MYSM1: variants seen among roughly 807,000 people sequenced by gnomAD.
The protein encoded by MYSM1 is deubiquitinase MYSM1.
In MYSM1, 51 loss-of-function variants were observed where a neutral mutation model predicts 116.0. The ratio of observed to expected loss-of-function variants is 0.44; its 90% CI spans 0.35 to 0.56. MYSM1 has a LOEUF of 0.56. Ranked by LOEUF, MYSM1 falls within the 20% of genes least tolerant of loss-of-function variation. The pLI, the probability that MYSM1 is intolerant of heterozygous loss-of-function variation, is 0.00. For synonymous variants in MYSM1, 313 were observed against 315.2 expected, an observed-to-expected ratio of 0.99 and a Z score of 0.07; for missense variants, 900 against 974.9, an observed-to-expected ratio of 0.92 and a Z score of 1.02.
intron 11 of MYSM1, 60 bp from the exon 12 acceptor site, chr1:58,672,018 T>C (rs770744356): frequency 9.8e-5 from 134 of 1,372,182 alleles, no homozygotes; most frequent in African/African-American, 6.9e-4. Flanking sequence ...AGAATAAAAA[T>C]AGTCCTTTAA....
intron 2 of MYSM1, among the ~76,000 whole-genome samples, chr1:58,693,459 T>C (rs1184719564): frequency 6.6e-5 from 10 of 152,160 alleles, no homozygotes. Context: ...ACTTAACATA[T>C]CTAAAACAGA....
intron 7 of MYSM1, among the ~76,000 whole-genome samples, chr1:58,684,293 C>CG (rs903712255): frequency 2.6e-4 from 40 of 152,000 alleles, no homozygotes; most frequent in African/African-American, 7.7e-4. Flanking sequence ...AGGCCGGGCA[C>CG]GGTGGCTCAC....
chr1:58,695,749 TAAC>T (rs1335476985), intron 1 of MYSM1, among the ~76,000 whole-genome samples: 1 of 152,122 alleles, frequency 6.6e-6, no homozygotes, highest in Non-Finnish European at 1.5e-5. Context: ...GTGGTTTTAA[TAAC>T]AACTCATATA....
Position 58,661,159 on chromosome 1 carries a change from A to G in MYSM1, c.2328+11T>C. The G allele has an allele frequency of 6.2e-7, 1 of 1,606,190 alleles. No homozygotes were observed. The highest frequency in any genetic ancestry group is 8.5e-7 in the Non-Finnish European group (1 of 1,173,046). On this transcript the variant is annotated intron_variant, in intron 19 of 19. Transcript: ENST00000472487. ...TGAACAATGGAACCAATTAAAATGA[A>G]GACAGCTTACTTTCTGCAAACAAGT...
intron 6 of MYSM1, among the ~76,000 whole-genome samples, chr1:58,685,782 A>G (rs1644819143): frequency 6.6e-6 from 1 of 152,240 alleles, no homozygotes; most frequent in African/African-American, 2.4e-5. Flanking sequence ...CAAATGAGGA[A>G]GTCCTGCAAC....
chr1:58,680,091 G>A (rs1319524037), intron 8 of MYSM1, among the ~76,000 whole-genome samples: 3 of 150,786 alleles, frequency 2.0e-5, no homozygotes, highest in African/African-American at 7.3e-5. Context: ...ACATTTTTGA[G>A]TTAGTTATGA....
At chr1:58,682,915 T>C (rs1644770555) in intron 7 of MYSM1, among the ~76,000 whole-genome samples, 2 of 152,182 alleles carry the variant, frequency 1.3e-5, no homozygotes, top group African/African-American at 2.4e-5. Context: ...CAGGATGGTC[T>C]CGATCTCCTG....
chr1:58,693,840 T>C (rs1195971856), intron 2 of MYSM1, among the ~76,000 whole-genome samples: 1 of 152,202 alleles, frequency 6.6e-6, no homozygotes, highest in Admixed American at 6.5e-5. Context: ...ATATGAAATG[T>C]TTCAATGATG....
intron 10 of MYSM1, among the ~76,000 whole-genome samples, chr1:58,673,971 G>C (rs1002585532): frequency 6.6e-6 from 1 of 152,236 alleles, no homozygotes; most frequent in African/African-American, 2.4e-5. Context: ...TATTTTGCTA[G>C]CATTTCTTCT....
chr1:58,692,762 TA>T, intron 3 of MYSM1, 98 bp downstream of exon 3: 1 of 792,082 alleles, frequency 1.3e-6, no homozygotes, highest in South Asian at 1.8e-5. Flanking sequence ...TGGTGCTGTA[TA>T]AAATCCATCT....
Position 58,668,685 on chromosome 1 carries a change from G to A in MYSM1, c.1717-3C>T. Reference sequence around the variant, plus strand: ...GCCACTTTCACCTGAAATGGCTCCTGAAATATAAAAAACAAAACAAAACGG... The same window carrying A: ...GCCACTTTCACCTGAAATGGCTCCTAAAATATAAAAAACAAAACAAAACGG... On this transcript the variant is annotated splice_polypyrimidine_tract_variant and splice_region_variant and intron_variant, in intron 13 of 19. Coordinates refer to ENST00000472487, the MANE Select transcript of MYSM1 (RefSeq NM_001085487.3). 1 of 1,600,294 alleles carries A rather than the reference G, an allele frequency of 6.2e-7. No homozygotes were observed. Among genetic ancestry groups the A allele is most frequent in the South Asian group, 1.1e-5 (1 of 88,486 alleles).
chr1:58,664,980 C>T (rs1017855996), intron 17 of MYSM1, among the ~76,000 whole-genome samples: 3 of 152,334 alleles, frequency 2.0e-5, no homozygotes, highest in African/African-American at 7.2e-5. Context: ...TACAAGTGGA[C>T]ATAAACCTCA....
intron 19 of MYSM1, 106 bp from the exon 20 acceptor site, chr1:58,660,261 A>T: frequency 1.7e-6 from 1 of 596,200 alleles, no homozygotes; most frequent in Non-Finnish European, 2.7e-6. Flanking sequence ...CTAATGCTCA[A>T]ATGAGAAACA....
intron 11 of MYSM1, among the ~76,000 whole-genome samples, chr1:58,673,237 A>G (rs1409255277): frequency 1.3e-5 from 2 of 152,232 alleles, no homozygotes; most frequent in Non-Finnish European, 2.9e-5. Flanking sequence ...TCTAATGCTT[A>G]GAACAATATT....
chr1:58,668,313 A>G (rs1486245557), intron 14 of MYSM1: 1 of 640,042 alleles, frequency 1.6e-6, no homozygotes, highest in Non-Finnish European at 2.1e-6. Context: ...GTAAAAACAA[A>G]AAAACCCTCC....
At chr1:58,671,147 G>A (rs935406651) in intron 12 of MYSM1, among the ~76,000 whole-genome samples, 37 of 152,280 alleles carry the variant, frequency 2.4e-4, no homozygotes, top group Admixed American at 1.6e-3. Context: ...GCGTGAGCAA[G>A]TTATTAAACC....
intron 10 of MYSM1, 94 bp downstream of exon 10, chr1:58,675,383 G>T: frequency 1.2e-6 from 1 of 808,238 alleles, no homozygotes. Context: ...CTACTAAATG[G>T]TCATTTATTA....
chr1:58,658,656 A>G lies in MYSM1; in HGVS notation c.*1341T>C, dbSNP rs1484906627. The G allele has an allele frequency of 6.6e-6, 1 of 152,128 alleles. No individual in the cohort carries two copies. Among genetic ancestry groups the G allele is most frequent in the Non-Finnish European group, 1.5e-5 (1 of 68,022 alleles). The allele number at this position is 152,128 out of a possible 1,614,324, so 9.4% of individuals were successfully genotyped here. ...GATTTAGATATAAGGAAACGTTAGT[A>G]AGAATGTTTGGTGAATAGCTATAAA... On this transcript the variant is annotated 3_prime_UTR_variant, in exon 20 of 20. Transcript: ENST00000472487.
At chr1:58,661,111 G>A in intron 19 of MYSM1, 59 bp downstream of exon 19, 2 of 1,256,494 alleles carry the variant, frequency 1.6e-6, no homozygotes. Flanking sequence ...AAAACACATT[G>A]AGATGAATAG....
Sources: gnomAD v4.1 joint callset for allele counts (sites outside exome capture counted in the v4.1 genomes callset) on GRCh38, gnomAD v4.1.1 for gene constraint, MANE v1.5 for transcripts, NCBI Gene and HGNC (gene_info 2026-07-23, HGNC 2026-07-21) for gene names.